CCDC91: variants seen among roughly 807,000 people sequenced by gnomAD.
CCDC91 encodes the protein coiled-coil domain containing 91, also known as coiled-coil domain-containing protein 91.
A neutral mutation model predicts 63.2 loss-of-function variants in CCDC91; 48 were observed. The ratio of observed to expected loss-of-function variants is 0.76; its 90% CI spans 0.60 to 0.97. The LOEUF is 0.97. CCDC91 is among the 50% of genes least tolerant of loss of function. CCDC91 has a pLI of 0.00. For synonymous variants in CCDC91, 167 were observed against 165.8 expected (o/e 1.01, Z -0.06); for missense variants, 500 against 494.6 (o/e 1.01, Z -0.10).
At chr12:28,403,009 G>A (rs1236809321) in intron 8 of CCDC91, among the ~76,000 whole-genome samples, 1 of 152,180 alleles carries the variant, frequency 6.6e-6, no homozygotes, top group Non-Finnish European at 1.5e-5. Context: ...TCGTTGTCAT[G>A]TATGATTCTT....
chr12:28,466,168 A>G (rs1464423609), intron 11 of CCDC91, among the ~76,000 whole-genome samples: 1 of 152,176 alleles, frequency 6.6e-6, no homozygotes, highest in African/African-American at 2.4e-5. Flanking sequence ...CTATACACAA[A>G]GGAGACAAAA....
intron 6 of CCDC91, among the ~76,000 whole-genome samples, chr12:28,331,470 T>C (rs574894948): frequency 6.6e-6 from 1 of 152,338 alleles, no homozygotes; most frequent in Non-Finnish European, 1.5e-5. Context: ...TTAAGCCCTT[T>C]TGAAAAATCA....
intron 6 of CCDC91, among the ~76,000 whole-genome samples, chr12:28,328,958 A>G (rs941238982): frequency 2.6e-5 from 4 of 152,156 alleles, no homozygotes; most frequent in Non-Finnish European, 4.4e-5. Flanking sequence ...GCTTCAGACA[A>G]TGGAAAAGAA....
chr12:28,325,049 T>C (rs912186084), intron 6 of CCDC91, among the ~76,000 whole-genome samples: 4 of 152,014 alleles, frequency 2.6e-5, no homozygotes, highest in African/African-American at 9.7e-5. Context: ...GGAGAATGAA[T>C]TTTTATAGTA....
chr12:28,537,510 T>C (rs1322026925), intron 12 of CCDC91, among the ~76,000 whole-genome samples: 1 of 152,222 alleles, frequency 6.6e-6, no homozygotes, highest in South Asian at 2.1e-4. Context: ...GTAACAGATA[T>C]GCACAGTGTA....
Position 28,525,528 on chromosome 12 carries a change from T to A in CCDC91, c.1216-23535T>A, listed in dbSNP as rs575103613. 3.9e-5 allele frequency among the ~76,000 whole-genome samples: 6 copies of A among 152,286 alleles called. No homozygotes were observed. In the East Asian group the frequency reaches 1.2e-3, roughly 29 times the overall value. ...TTGTTTTGTGGCCTGTCATATGGTC[T>A]ATCTTGGAGAAAGTTCCATGCACTG... is the stretch of plus-strand genomic sequence containing the variant. On this transcript the variant is annotated intron_variant, in intron 12 of 12. Transcript: ENST00000536442.
intron 7 of CCDC91, among the ~76,000 whole-genome samples, chr12:28,365,551 A>G (rs1944218591): frequency 6.6e-6 from 1 of 152,208 alleles, no homozygotes; most frequent in South Asian, 2.1e-4. Flanking sequence ...AAATATCTCT[A>G]GTTACTATTG....
At chr12:28,203,626 G>A (rs1324031096) in intron 1 of CCDC91, among the ~76,000 whole-genome samples, 1 of 152,134 alleles carries the variant, frequency 6.6e-6, no homozygotes, top group Admixed American at 6.5e-5. Flanking sequence ...CTAAATTTAG[G>A]GAGGTGTCTG....
At chr12:28,326,772 C>T (rs990249742) in intron 6 of CCDC91, among the ~76,000 whole-genome samples, 1 of 151,902 alleles carries the variant, frequency 6.6e-6, no homozygotes, top group African/African-American at 2.4e-5. Context: ...TAAATGAAAC[C>T]GGCTTTATTG....
At position 28,540,965 on chromosome 12, in the gene CCDC91, C is replaced by G. The variant is rs79837745; in HGVS notation, c.1216-8098C>G. ...CTACTGAGTGGGTTTGGAAGCAGAT[C>G]CTTCCCCAGTTGAACTTTGAGATGA... On this transcript the variant is annotated intron_variant, in intron 12 of 12. Transcript: ENST00000536442. Among the ~76,000 whole-genome samples the G allele has an allele frequency of 8.0e-3, 1,224 of 152,196 alleles. 19 individuals are homozygous for G. Among genetic ancestry groups the G allele is most frequent in the African/African-American group, 0.028 (1,167 of 41,524 alleles).
intron 3 of CCDC91, among the ~76,000 whole-genome samples, chr12:28,282,053 A>G (rs1264017489): frequency 2.6e-5 from 4 of 152,192 alleles, no homozygotes; most frequent in African/African-American, 7.2e-5. Context: ...AAATGTACAT[A>G]TATCTCAGGT....
chr12:28,412,241 T>C (rs922764178), intron 8 of CCDC91, among the ~76,000 whole-genome samples: 13 of 152,202 alleles, frequency 8.5e-5, no homozygotes, highest in African/African-American at 2.9e-4. Context: ...AATGTGTTCC[T>C]GTCATTAAGT....
intron 8 of CCDC91, among the ~76,000 whole-genome samples, chr12:28,415,412 G>A (rs551591498): frequency 1.3e-5 from 2 of 151,844 alleles, no homozygotes; most frequent in African/African-American, 4.8e-5. Context: ...TAGTAGAGAC[G>A]GGGTTTCTCC....
At chr12:28,369,008 G>A (rs1182697252) in intron 7 of CCDC91, among the ~76,000 whole-genome samples, 1 of 152,116 alleles carries the variant, frequency 6.6e-6, no homozygotes, top group Non-Finnish European at 1.5e-5. Flanking sequence ...TGAGATTTCG[G>A]TGGGGACACA....
chr12:28,260,529 T>C (rs566043307), intron 3 of CCDC91, among the ~76,000 whole-genome samples: 1 of 152,120 alleles, frequency 6.6e-6, no homozygotes, highest in African/African-American at 2.4e-5. Flanking sequence ...TACCCCCTTA[T>C]GATACTAACT....
chr12:28,298,756 A>C (rs566073525), intron 3 of CCDC91, among the ~76,000 whole-genome samples: 7 of 145,462 alleles, frequency 4.8e-5, no homozygotes, highest in African/African-American at 1.7e-4. Flanking sequence ...ACAACAACAA[A>C]AAATTGTGTG....
chr12:28,296,376 T>C (rs1949564319), intron 3 of CCDC91, among the ~76,000 whole-genome samples: 1 of 151,968 alleles, frequency 6.6e-6, no homozygotes, highest in South Asian at 2.1e-4. Context: ...ACACTGTTAT[T>C]CCTCAAAGAA....
intron 12 of CCDC91, among the ~76,000 whole-genome samples, chr12:28,542,397 C>T (rs908680493): frequency 1.3e-5 from 2 of 151,992 alleles, no homozygotes; most frequent in African/African-American, 2.4e-5. Flanking sequence ...TGGGAAGTTA[C>T]ACAGCTTCTT....
At chr12:28,499,511 C>G (rs1952506182) in intron 12 of CCDC91, among the ~76,000 whole-genome samples, 1 of 151,908 alleles carries the variant, frequency 6.6e-6, no homozygotes, top group Non-Finnish European at 1.5e-5. Context: ...CCCCTACCCC[C>G]CACTCCCTTA....
Sources: gnomAD v4.1 joint callset for allele counts (sites outside exome capture counted in the v4.1 genomes callset) on GRCh38, gnomAD v4.1.1 for gene constraint, MANE v1.5 for transcripts, NCBI Gene and HGNC (gene_info 2026-07-23, HGNC 2026-07-21) for gene names.